The following RTL9 variants were observed in gnomAD, a reference collection of about 807,000 sequenced individuals.
RTL9 encodes the protein retrotransposon Gag like 9, also known as retrotransposon Gag-like protein 9.
Under a neutral mutation model 44.7 loss-of-function variants are expected in RTL9, and 19 were observed. The ratio of observed to expected loss-of-function variants is 0.42; its 90% confidence interval spans 0.30 to 0.62. The LOEUF (loss-of-function observed/expected upper bound fraction) is 0.62, where lower values mean the gene tolerates loss of function less well. Among genes scored for constraint, RTL9 ranks in the 20% least tolerant of loss-of-function variants. The pLI is 0.16. For synonymous variants in RTL9, 407 were observed against 398.9 expected, an observed-to-expected ratio of 1.02 and a Z score of -0.24; for missense variants, 1,105 against 1,080.6, an observed-to-expected ratio of 1.02 and a Z score of -0.32.
intron 1 of RTL9, among the ~76,000 whole-genome samples, chrX:110,379,074 C>T (rs1003590434): frequency 5.4e-5 from 6 of 112,105 alleles, no homozygotes; most frequent in African/African-American, 9.7e-5. Context: ...GTTTGGAGAC[C>T]TTTCCCTGAT....
intron 1 of RTL9, among the ~76,000 whole-genome samples, chrX:110,430,230 C>T: frequency 8.9e-6 from 1 of 112,746 alleles, no homozygotes; most frequent in Admixed American, 9.4e-5. Flanking sequence ...TGGTACTTTA[C>T]CGCTTCTTTT....
chrX:110,442,247 CTG>C (rs908737506), intron 1 of RTL9, among the ~76,000 whole-genome samples: 1,271 of 96,805 alleles, frequency 0.013, 22 homozygotes, highest in African/African-American at 0.032. Context: ...CTCTCTCTCT[CTG>C]TGTGTGTGTG....
At chrX:110,376,512 C>T (rs1368072617) in intron 1 of RTL9, among the ~76,000 whole-genome samples, 1 of 111,818 alleles carries the variant, frequency 8.9e-6, no homozygotes, top group Non-Finnish European at 1.9e-5. Flanking sequence ...TTAGAGGCTT[C>T]AGATGAGAGA....
At chrX:110,368,579 T>C (rs2068314549) in intron 1 of RTL9, among the ~76,000 whole-genome samples, 1 of 112,331 alleles carries the variant, frequency 8.9e-6, no homozygotes, top group South Asian at 3.7e-4. Context: ...ACTTTCTTTA[T>C]CATCTTATTT....
At chrX:110,455,224 G>T (rs1288753868) in exon 2 of RTL9, 1 of 1,210,159 alleles carries the variant, frequency 8.3e-7, no homozygotes, top group African/African-American at 1.7e-5. Flanking sequence ...TCCAAACGCT[G>T]TTACTACCTG....
exon 1 of RTL9, chrX:110,454,517 G>A: frequency 8.3e-7 from 1 of 1,212,073 alleles, no homozygotes; most frequent in East Asian, 3.0e-5. Flanking sequence ...TAAAGGAGCT[G>A]ATAGACAGGT....
At chrX:110,412,966 G>GT (rs2068651181) in intron 1 of RTL9, among the ~76,000 whole-genome samples, 1 of 110,091 alleles carries the variant, frequency 9.1e-6, no homozygotes, top group African/African-American at 3.5e-5. Context: ...AACAAAAGAT[G>GT]TAAAGGGAAA....
At chrX:110,382,799 GTTAA>G (rs942938942) in intron 1 of RTL9, among the ~76,000 whole-genome samples, 2 of 112,089 alleles carry the variant, frequency 1.8e-5, no homozygotes, top group African/African-American at 6.5e-5. Context: ...GGGCCACTGT[GTTAA>G]TTAAATTCCA....
intron 2 of RTL9, among the ~76,000 whole-genome samples, chrX:110,445,509 G>A (rs1241434163): frequency 9.0e-6 from 1 of 111,140 alleles, no homozygotes; most frequent in Non-Finnish European, 1.9e-5. Context: ...GAAGTGGGGA[G>A]GGCTTCTACT....
At chrX:110,388,805 C>T (rs964088107) in intron 1 of RTL9, among the ~76,000 whole-genome samples, 2 of 111,702 alleles carry the variant, frequency 1.8e-5, no homozygotes, top group Admixed American at 9.5e-5. Flanking sequence ...AAGTAGTTGG[C>T]TCAAGAGTAG....
At chrX:110,442,608 A>T (rs1383978127) in intron 1 of RTL9, among the ~76,000 whole-genome samples, 1 of 111,830 alleles carries the variant, frequency 8.9e-6, no homozygotes, top group East Asian at 2.8e-4. Flanking sequence ...AATTAAATAG[A>T]GACTTCAGTG....
intron 1 of RTL9, among the ~76,000 whole-genome samples, chrX:110,367,486 ACT>A (rs771687201): frequency 1.8e-5 from 2 of 109,578 alleles, no homozygotes; most frequent in South Asian, 7.9e-4. Context: ...ACAGTTTATC[ACT>A]CTCTCCTTGA....
intron 1 of RTL9, among the ~76,000 whole-genome samples, chrX:110,368,603 C>G (rs1294115837): frequency 8.9e-6 from 1 of 112,033 alleles, no homozygotes; most frequent in Non-Finnish European, 1.9e-5. Context: ...AATTGCCACT[C>G]TCTGCATGCT....
At chrX:110,417,557 A>C (rs1602989222), upstream of RTL9, among the ~76,000 whole-genome samples, 2 of 111,962 alleles carry the variant, frequency 1.8e-5, no homozygotes, top group African/African-American at 6.5e-5. Context: ...TCTTCCCAGC[A>C]GGTTTTGTGA....
At chrX:110,452,315 G>A in exon 1 of RTL9, 1 of 1,210,749 alleles carries the variant, frequency 8.3e-7, no homozygotes, top group East Asian at 3.0e-5. Flanking sequence ...CTGCAGCACA[G>A]ATGAAAGCCA....
chrX:110,427,408 T>G (rs1361256732), intron 1 of RTL9, among the ~76,000 whole-genome samples: 3 of 111,871 alleles, frequency 2.7e-5, no homozygotes, highest in Non-Finnish European at 5.6e-5. Context: ...ACGTACTCAT[T>G]AGAGTACCTA....
upstream of RTL9, among the ~76,000 whole-genome samples, chrX:110,417,724 G>C (rs1247302054): frequency 8.9e-6 from 1 of 112,449 alleles, no homozygotes; most frequent in Non-Finnish European, 1.9e-5. Flanking sequence ...TGAAGATGAT[G>C]ATGATGACAA....
At chrX:110,424,637 C>T (rs775691324) in intron 1 of RTL9, among the ~76,000 whole-genome samples, 44 of 112,143 alleles carry the variant, frequency 3.9e-4, no homozygotes, top group Middle Eastern at 4.6e-3. Flanking sequence ...TCCAGGCAGA[C>T]AGCTATGGGA....
rs1234574216 is a variant in RTL9, at chrX:110,388,328, T to C, written c.-168+29412T>C. 2.7e-5 allele frequency among the ~76,000 whole-genome samples: 3 copies of C among 112,039 alleles called. 1 individual carries two copies. In the Admixed American group the frequency reaches 2.8e-4, roughly 11 times the overall value. On this transcript the variant is annotated intron_variant, in intron 1 of 2. Transcript: ENST00000520821. Reference sequence around the variant, plus strand: ...TGATAGGATTCTGAAGAACTCAGTATGTAACCATCCTTCCAAACCTGGGTG... The same window carrying C: ...TGATAGGATTCTGAAGAACTCAGTACGTAACCATCCTTCCAAACCTGGGTG...
Sources: gnomAD v4.1 joint callset for allele counts (sites outside exome capture counted in the v4.1 genomes callset) on GRCh38, gnomAD v4.1.1 for gene constraint, MANE v1.5 for transcripts, NCBI Gene and HGNC (gene_info 2026-07-23, HGNC 2026-07-21) for gene names.